MAPK8: variants seen among roughly 807,000 people sequenced by gnomAD.
The protein encoded by MAPK8 is JUN N-terminal kinase.
A neutral mutation model predicts 52.9 loss-of-function variants in MAPK8; 13 were observed. The observed-to-expected ratio is 0.25, with a 90% CI of 0.16 to 0.39. The LOEUF (loss-of-function observed/expected upper bound fraction) is 0.39. MAPK8 is among the 10% of genes least tolerant of loss of function. MAPK8 has a pLI of 1.00. For missense variants in MAPK8, 300 were observed against 519.2 expected, an observed-to-expected ratio of 0.58 and a Z score of 4.10; for synonymous variants, 191 against 169.8, an observed-to-expected ratio of 1.12 and a Z score of -0.97.
At chr10:48,335,954 A>G (rs1844643986) in intron 1 of MAPK8, among the ~76,000 whole-genome samples, 1 of 152,204 alleles carries the variant, frequency 6.6e-6, no homozygotes, top group South Asian at 2.1e-4. Context: ...TTGAAACATC[A>G]TGTATTAGTC....
intron 1 of MAPK8, among the ~76,000 whole-genome samples, chr10:48,389,188 G>A (rs1018938160): frequency 6.6e-6 from 1 of 152,106 alleles, no homozygotes; most frequent in African/African-American, 2.4e-5. Context: ...CATTTGTATG[G>A]TGGCAGCTGA....
intron 1 of MAPK8, among the ~76,000 whole-genome samples, chr10:48,362,740 T>TG (rs1270642701): frequency 7.1e-6 from 1 of 140,358 alleles, no homozygotes; most frequent in African/African-American, 2.6e-5. Flanking sequence ...TTTATTAGTT[T>TG]TTTTTTTTTT....
intron 1 of MAPK8, among the ~76,000 whole-genome samples, chr10:48,323,619 T>C (rs1458425222): frequency 6.6e-6 from 1 of 152,202 alleles, no homozygotes; most frequent in East Asian, 1.9e-4. Flanking sequence ...TAAAGAGTTT[T>C]TGTTTTTGAT....
intron 1 of MAPK8, among the ~76,000 whole-genome samples, chr10:48,324,958 T>C (rs959168181): frequency 2.6e-5 from 4 of 151,362 alleles, no homozygotes; most frequent in African/African-American, 4.9e-5. Context: ...AAATGGTGTT[T>C]TTTTGTTTTT....
At chr10:48,340,930 A>T (rs946351200) in intron 1 of MAPK8, among the ~76,000 whole-genome samples, 8 of 152,172 alleles carry the variant, frequency 5.3e-5, no homozygotes, top group African/African-American at 1.7e-4. Flanking sequence ...CCCTTTCTGC[A>T]CAGTGTTCTG....
Position 48,404,955 on chromosome 10 carries a change from C to T in MAPK8, c.226C>T (p.Leu76Phe), listed in dbSNP as rs1739252749. 1.2e-6 allele frequency: 2 copies of T among 1,604,802 alleles called. No homozygotes were observed. The highest frequency in any genetic ancestry group is 1.7e-5 in the Admixed American group (1 of 58,696). ...HAKRAYRELV[L>F]MKCVNHKNII... ...CAAGCGGGCCTACAGAGAGCTAGTT[C>T]TTATGAAATGTGTTAATCACAAAAA... The change falls in exon 3 of 12, where the codon CTT becomes TTT. Residue 76 changes from leucine (L) to phenylalanine (F), a missense_variant. By Grantham distance (22) the Leu-to-Phe change is conservative. Coordinates refer to ENST00000374189, the MANE Select transcript of MAPK8 (RefSeq NM_001323329.2).
At chr10:48,379,540 G>A (rs992675881) in intron 1 of MAPK8, among the ~76,000 whole-genome samples, 17 of 152,062 alleles carry the variant, frequency 1.1e-4, no homozygotes, top group African/African-American at 3.6e-4. Flanking sequence ...TAAAGAGGAA[G>A]GTAAATGTTT....
intron 1 of MAPK8, among the ~76,000 whole-genome samples, chr10:48,391,787 A>G (rs2041639433): frequency 1.3e-5 from 2 of 152,188 alleles, no homozygotes; most frequent in South Asian, 2.1e-4. Flanking sequence ...ACTGGCTCCA[A>G]GTTGAGGTTC....
intron 2 of MAPK8, among the ~76,000 whole-genome samples, chr10:48,402,108 C>T (rs1365297717): frequency 2.0e-5 from 3 of 152,098 alleles, no homozygotes; most frequent in Non-Finnish European, 4.4e-5. Context: ...CATGTCAGTG[C>T]CCCCAAAATT....
chr10:48,331,402 G>A (rs909755347), intron 1 of MAPK8, among the ~76,000 whole-genome samples: 4 of 152,132 alleles, frequency 2.6e-5, no homozygotes, highest in Admixed American at 1.3e-4. Flanking sequence ...TATTAACTTC[G>A]AGAAATGGGG....
chr10:48,364,315 C>G (rs1318916292), intron 1 of MAPK8, among the ~76,000 whole-genome samples: 1 of 151,654 alleles, frequency 6.6e-6, no homozygotes, highest in East Asian at 1.9e-4. Context: ...ACATTGGTAT[C>G]TTGAGTTTTT....
intron 1 of MAPK8, among the ~76,000 whole-genome samples, chr10:48,330,123 C>T (rs928525497): frequency 2.6e-5 from 4 of 152,032 alleles, no homozygotes; most frequent in South Asian, 2.1e-4. Flanking sequence ...TATTAGCTTA[C>T]GTTAATTGAG....
intron 11 of MAPK8, among the ~76,000 whole-genome samples, chr10:48,431,872 A>G (rs1297857051): frequency 6.6e-6 from 1 of 152,234 alleles, no homozygotes; most frequent in Non-Finnish European, 1.5e-5. Flanking sequence ...CACTAAGTAC[A>G]TACCACATAA....
At chr10:48,310,751 GTGTA>G (rs987479122) in intron 1 of MAPK8, among the ~76,000 whole-genome samples, 142 of 151,914 alleles carry the variant, frequency 9.3e-4, no homozygotes, top group African/African-American at 3.4e-3. Flanking sequence ...GTGTGTGTGT[GTGTA>G]TGTGTGTATA....
intron 1 of MAPK8, among the ~76,000 whole-genome samples, chr10:48,340,550 A>G (rs570225543): frequency 2.0e-5 from 3 of 152,054 alleles, no homozygotes; most frequent in East Asian, 1.9e-4. Flanking sequence ...TAAAATAAAT[A>G]TACTCATAAT....
intron 1 of MAPK8, among the ~76,000 whole-genome samples, chr10:48,384,485 T>C (rs1231160705): frequency 6.6e-6 from 1 of 152,240 alleles, no homozygotes; most frequent in Non-Finnish European, 1.5e-5. Context: ...CTTTTTATGT[T>C]CACTTTTGTT....
rs183983466 is a variant in MAPK8, at chr10:48,428,684, G to A, written c.1060+1541G>A. Among the ~76,000 whole-genome samples, 53 of 152,298 alleles carry A rather than the reference G, an allele frequency of 3.5e-4. No homozygotes were observed. In the South Asian group the frequency reaches 5.4e-3, roughly 15 times the overall value. On this transcript the variant is annotated intron_variant, in intron 10 of 11. Coordinates refer to ENST00000374189, the MANE Select transcript of MAPK8 (RefSeq NM_001323329.2). ...TCTGCTGCATTTGAATATGTAATGT[G>A]CATTTGAATATGTATAAAGATATAG...
intron 11 of MAPK8, among the ~76,000 whole-genome samples, chr10:48,431,531 G>C (rs890903504): frequency 3.9e-5 from 6 of 152,098 alleles, no homozygotes. Flanking sequence ...TGGCATTGTT[G>C]CTGGGTCTTT....
rs914679812 is a variant in MAPK8, at chr10:48,438,981, T to G, written c.*3952T>G. 3.3e-4 allele frequency: 51 copies of G among 152,322 alleles called. No individual in the cohort carries two copies. Among genetic ancestry groups the G allele is most frequent in the African/African-American group, 1.2e-3 (49 of 41,570 alleles). The allele number at this position is 152,322 out of a possible 1,614,324, so 9.4% of individuals were successfully genotyped here. ...TATATTTTTGAGAAGCTGTTAATCT[T>G]TTAGCTGAATAATGAAGTTAGACTG... is the stretch of plus-strand genomic sequence containing the variant. On this transcript the variant is annotated 3_prime_UTR_variant, in exon 12 of 12. Coordinates refer to ENST00000374189, the MANE Select transcript of MAPK8 (RefSeq NM_001323329.2).
Sources: allele counts gnomAD v4.1 joint callset (sites outside exome capture counted in the v4.1 genomes callset), GRCh38; gene constraint gnomAD v4.1.1; transcripts MANE v1.5; gene names NCBI Gene and HGNC (gene_info 2026-07-23, HGNC 2026-07-21).